AMY2B: variants seen among roughly 807,000 people sequenced by gnomAD.
The protein encoded by AMY2B is alpha-amylase 2B.
AMY2B carries 63 observed loss-of-function variants against 59.3 expected under a neutral mutation model. The ratio of observed to expected loss-of-function variants is 1.06; its 90% CI spans 0.87 to 1.31. The LOEUF (loss-of-function observed/expected upper bound fraction) is 1.31, where lower values mean the gene tolerates loss of function less well. Ranked by LOEUF, AMY2B falls within the 50% of genes most tolerant of loss-of-function variation. The probability of loss-of-function intolerance (pLI) is 0.00; values close to 1 mark genes in which losing one functional copy is unlikely to be tolerated. For synonymous variants in AMY2B, 180 were observed against 198.1 expected (o/e 0.91, Z 0.77); for missense variants, 635 against 626.7 (o/e 1.01, Z -0.14).
intron 7 of AMY2B, chr1:103,577,268 C>A (rs1652395578): frequency 6.4e-6 from 6 of 944,766 alleles, no homozygotes; most frequent in Non-Finnish European, 7.8e-6. Context: ...GAGAGGATAA[C>A]AATTTGTTAC....
chr1:103,571,905 A>T (rs554342113), intron 1 of AMY2B, 135 bp downstream of exon 1: 1 of 1,582,424 alleles, frequency 6.3e-7, no homozygotes, highest in East Asian at 2.2e-5. Context: ...CTGAGGAAAA[A>T]ACAATGTAGT....
chr1:103,573,042 A>G (rs371896239), intron 2 of AMY2B, 21 bp from the exon 3 acceptor site: 2 of 1,612,828 alleles, frequency 1.2e-6, no homozygotes, highest in Non-Finnish European at 1.7e-6. Context: ...GTCACACTGA[A>G]GTAGAAACTT....
At chr1:103,572,549 A>G (rs1246020938) in intron 2 of AMY2B, among the ~76,000 whole-genome samples, 2 of 152,154 alleles carry the variant, frequency 1.3e-5, no homozygotes, top group Admixed American at 1.3e-4. Context: ...TCTGGTTAAG[A>G]GTTATAATTC....
At chr1:103,578,587 AATAAATAC>A (rs1245632592) in intron 9 of AMY2B, among the ~76,000 whole-genome samples, 1 of 152,204 alleles carries the variant, frequency 6.6e-6, no homozygotes, top group African/African-American at 2.4e-5. Flanking sequence ...ATGAAAAATA[AATAAATAC>A]ATAAATACAT....
Position 103,571,661 on chromosome 1 carries a change from A to C in AMY2B, c.59A>C (p.Asn20Thr), listed in dbSNP as rs752396068. 1 of 1,611,944 alleles carries C rather than the reference A, an allele frequency of 6.2e-7. No homozygotes were observed. Among genetic ancestry groups the C allele is most frequent in the East Asian group, 2.2e-5 (1 of 44,860 alleles). ...TTCTGCTGGGCTCAGTATTCCCCAAATACACAACAAGGACGGACATCTATT... is the reference window on the plus strand; with the variant it reads ...TTCTGCTGGGCTCAGTATTCCCCAACTACACAACAAGGACGGACATCTATT... The part of the protein sequence containing the change: ...IGFCWAQYSP[N>T]TQQGRTSIVH... Residue 20 changes from asparagine to threonine, a missense_variant, in exon 1 of 10, where the codon AAT becomes ACT. Physicochemically the swap from Asn to Thr is moderately conservative, Grantham distance 65. Transcript: ENST00000684275.
At chr1:103,570,558 T>A (rs969074826), upstream of AMY2B, 8 of 602,282 alleles carry the variant, frequency 1.3e-5, no homozygotes, top group Non-Finnish European at 2.3e-5. Context: ...GCACAAGTAC[T>A]CCGTGTGGAT....
upstream of AMY2B, chr1:103,569,663 C>G: frequency 2.6e-6 from 1 of 386,846 alleles, no homozygotes; most frequent in Admixed American, 3.2e-5. Context: ...CATCGGTGCC[C>G]CCGGCACCAG....
At chr1:103,569,750 TG>T, upstream of AMY2B, 1 of 417,252 alleles carries the variant, frequency 2.4e-6, no homozygotes, top group South Asian at 2.1e-5. Context: ...ATCCTGACCC[TG>T]AAGTACCCCC....
intron 7 of AMY2B, among the ~76,000 whole-genome samples, chr1:103,576,626 A>G (rs1452691929): frequency 1.3e-5 from 2 of 152,168 alleles, no homozygotes; most frequent in African/African-American, 4.8e-5. Context: ...AAAACATAAT[A>G]TTAAAACTGG....
rs776893049 is a variant in AMY2B, at chr1:103,574,259, G to C, written c.745-1G>C. 2.5e-6 allele frequency: 4 copies of C among 1,611,578 alleles called. No individual in the cohort carries two copies. The South Asian group carries it at 4.4e-5, about 18-fold the overall frequency. Reference sequence around the variant, plus strand: ...GTTACTTTTTCCTAATTTTCTACTAGGTAATTGATCTGGGTGGTGAGCCAA... The same window carrying C: ...GTTACTTTTTCCTAATTTTCTACTACGTAATTGATCTGGGTGGTGAGCCAA... On this transcript the variant is annotated splice_acceptor_variant, in intron 4 of 9. Coordinates refer to ENST00000684275, the MANE Select transcript of AMY2B (RefSeq NM_001387437.1). LOFTEE classifies it high-confidence loss of function.
At chr1:103,558,617 G>A (rs900539155) in intron 1 of AMY2B, among the ~76,000 whole-genome samples, 4 of 152,054 alleles carry the variant, frequency 2.6e-5, no homozygotes, top group Admixed American at 2.6e-4. Flanking sequence ...ACCTACCATT[G>A]CTGGGCATAA....
At chr1:103,570,689 G>A (rs1652093573), upstream of AMY2B, 10 of 570,970 alleles carry the variant, frequency 1.8e-5, no homozygotes, top group Admixed American at 1.7e-4. Context: ...ACTGTGAGCA[G>A]ATGGCTAGCA....
rs572226852 is a variant in AMY2B, at chr1:103,577,704, G to A, written c.1221-16G>A. On this transcript the variant is annotated splice_polypyrimidine_tract_variant and intron_variant, in intron 8 of 9. Coordinates refer to ENST00000684275, the MANE Select transcript of AMY2B (RefSeq NM_001387437.1). The stretch of plus-strand genomic sequence containing the variant: ...GTTTAAGAATATCAACGTTTTATAT[G>A]GTATTGTGTTTTTAGGAACATGGTT... 1.2e-6 allele frequency: 2 copies of A among 1,611,654 alleles called. No individual in the cohort carries two copies. Among genetic ancestry groups the A allele is most frequent in the Admixed American group, 1.7e-5 (1 of 59,976 alleles).
At chr1:103,560,090 CTGTATATAGACAATTAAAAAAATAA>C (rs1368489791) in intron 1 of AMY2B, among the ~76,000 whole-genome samples, 1 of 152,058 alleles carries the variant, frequency 6.6e-6, no homozygotes, top group Non-Finnish European at 1.5e-5. Context: ...CAACTTCTGA[CTGTATATAGACAATTAAAAAAATAA>C]TGTGTTCTCC....
upstream of AMY2B, chr1:103,570,423 G>A: frequency 1.1e-6 from 1 of 876,264 alleles, no homozygotes; most frequent in Non-Finnish European, 1.9e-6. Context: ...CATCCGCAAA[G>A]ACCTGTAGGC....
upstream of AMY2B, chr1:103,570,395 C>T: frequency 1.1e-6 from 1 of 873,094 alleles, no homozygotes; most frequent in Non-Finnish European, 1.9e-6. Flanking sequence ...TCAACTCCAT[C>T]ATGAAGTGTG....
intron 9 of AMY2B, 120 bp downstream of exon 9, chr1:103,577,965 A>G: frequency 6.5e-7 from 1 of 1,537,230 alleles, no homozygotes; most frequent in Non-Finnish European, 8.7e-7. Flanking sequence ...GAGCAAGAAG[A>G]CAATAGACAT....
chr1:103,572,530 A>G (rs1652176712), intron 2 of AMY2B, among the ~76,000 whole-genome samples: 1 of 152,184 alleles, frequency 6.6e-6, no homozygotes. Context: ...TATTTCCTGG[A>G]AAGAGTTTTC....
At chr1:103,571,460 A>G (rs747358307), upstream of AMY2B, 14 of 1,488,146 alleles carry the variant, frequency 9.4e-6, no homozygotes, top group Non-Finnish European at 1.2e-5. Flanking sequence ...TCCTGTTAGG[A>G]TTATTATTGA....
Sources: allele counts gnomAD v4.1 joint callset (sites outside exome capture counted in the v4.1 genomes callset), GRCh38; gene constraint gnomAD v4.1.1; transcripts MANE v1.5; gene names NCBI Gene and HGNC (gene_info 2026-07-23, HGNC 2026-07-21).